MYO1E: variants seen among roughly 807,000 people sequenced by gnomAD.
The protein encoded by MYO1E is unconventional myosin-Ie.
Under a neutral mutation model 151.1 loss-of-function variants are expected in MYO1E, and 68 were observed. The ratio of observed to expected loss-of-function variants is 0.45; its 90% confidence interval spans 0.37 to 0.55. The LOEUF is 0.55. Ranked by LOEUF, MYO1E falls within the 20% of genes least tolerant of loss-of-function variation. The pLI is 0.00. For missense variants in MYO1E, 1,363 were observed against 1,389.3 expected, an observed-to-expected ratio of 0.98 and a Z score of 0.30; for synonymous variants, 601 against 501.7, an observed-to-expected ratio of 1.20 and a Z score of -2.64.
At chr15:59,178,271 TGAG>T in intron 19 of MYO1E, 119 bp downstream of exon 19, 1 of 1,279,502 alleles carries the variant, frequency 7.8e-7, no homozygotes, top group Non-Finnish European at 1.1e-6. Context: ...AAGGCTTCTT[TGAG>T]GAGACAACAT....
chr15:59,211,265 A>G (rs2079877279), intron 12 of MYO1E, among the ~76,000 whole-genome samples: 1 of 152,098 alleles, frequency 6.6e-6, no homozygotes, highest in African/African-American at 2.4e-5. Context: ...CTTAATGGGA[A>G]GGTTCTTCAG....
At chr15:59,229,440 A>C (rs778278469) in intron 6 of MYO1E, among the ~76,000 whole-genome samples, 3 of 152,252 alleles carry the variant, frequency 2.0e-5, no homozygotes, top group Admixed American at 1.3e-4. Flanking sequence ...TTGTCATATA[A>C]AAGTTAAAAT....
chr15:59,174,111 A>G lies in MYO1E; in HGVS notation c.2164+15T>C. ...CAGATTTATTAAAATCAATGAAACA[A>G]AATTGCTAAAATACCTTCTTCTCTC... On this transcript the variant is annotated intron_variant, in intron 20 of 27. Coordinates refer to ENST00000288235, the MANE Select transcript of MYO1E (RefSeq NM_004998.4). 1 of 1,602,410 alleles carries G rather than the reference A, an allele frequency of 6.2e-7. No homozygotes were observed. Among genetic ancestry groups the G allele is most frequent in the Non-Finnish European group, 8.6e-7 (1 of 1,169,424 alleles).
chr15:59,139,946 C>G (rs1002802720), intron 26 of MYO1E, among the ~76,000 whole-genome samples: 3 of 152,118 alleles, frequency 2.0e-5, no homozygotes, highest in Admixed American at 6.6e-5. Flanking sequence ...TTCATTATTA[C>G]CCCTCAGAGC....
intron 1 of MYO1E, among the ~76,000 whole-genome samples, chr15:59,349,518 T>C (rs1226898662): frequency 2.6e-5 from 4 of 151,760 alleles, no homozygotes; most frequent in African/African-American, 9.7e-5. Flanking sequence ...CCCAGCGAGT[T>C]AGGGAGGAGG....
At chr15:59,289,024 G>C (rs1218338442) in intron 1 of MYO1E, among the ~76,000 whole-genome samples, 1 of 152,182 alleles carries the variant, frequency 6.6e-6, no homozygotes, top group South Asian at 2.1e-4. Flanking sequence ...AAATATTGTA[G>C]CTGGAAGGGG....
At chr15:59,210,415 G>A in intron 13 of MYO1E, 99 bp downstream of exon 13, 1 of 859,598 alleles carries the variant, frequency 1.2e-6, no homozygotes, top group South Asian at 1.4e-5. Flanking sequence ...GCAAATCAGA[G>A]TTGTCACTTT....
At chr15:59,305,941 G>A (rs2080512179) in intron 1 of MYO1E, among the ~76,000 whole-genome samples, 1 of 152,062 alleles carries the variant, frequency 6.6e-6, no homozygotes, top group Admixed American at 6.6e-5. Context: ...TGGCAGAGCA[G>A]GAAAACCAGA....
At chr15:59,243,119 A>ATTTTTT in intron 4 of MYO1E, among the ~76,000 whole-genome samples, 1 of 84,776 alleles carries the variant, frequency 1.2e-5, no homozygotes. Context: ...TTTTTTTCAA[A>ATTTTTT]TATAGAGAGA....
intron 26 of MYO1E, among the ~76,000 whole-genome samples, chr15:59,146,642 C>G (rs920327511): frequency 5.3e-5 from 8 of 151,708 alleles, no homozygotes; most frequent in Non-Finnish European, 1.2e-4. Flanking sequence ...AGCAAGATTT[C>G]AGACTCACAA....
rs1003934729 is a variant in MYO1E, at chr15:59,259,381, G to T, written c.237+2039C>A. 2.6e-5 allele frequency among the ~76,000 whole-genome samples: 4 copies of T among 152,050 alleles called. No individual in the cohort carries two copies. In the South Asian group the frequency reaches 8.3e-4, roughly 32 times the overall value. On this transcript the variant is annotated intron_variant, in intron 3 of 27. Coordinates refer to ENST00000288235, the MANE Select transcript of MYO1E (RefSeq NM_004998.4). ...AGTGATTCCATGTTGGTTTGGTTTG[G>T]TCTGGTCTGTTAGGGGCTACTGCAT...
chr15:59,266,895 T>G (rs1242276472), intron 2 of MYO1E: 2 of 151,996 alleles, frequency 1.3e-5, no homozygotes, highest in Non-Finnish European at 2.9e-5. Context: ...TCTCCTGACC[T>G]TGTGATCCGC....
chr15:59,357,266 G>A (rs1233030978), intron 1 of MYO1E, among the ~76,000 whole-genome samples: 1 of 152,010 alleles, frequency 6.6e-6, no homozygotes, highest in Non-Finnish European at 1.5e-5. Context: ...GAAACAACGA[G>A]GGGAGGTGGG....
intron 1 of MYO1E, among the ~76,000 whole-genome samples, chr15:59,312,737 T>G (rs2080560202): frequency 6.6e-6 from 1 of 152,064 alleles, no homozygotes; most frequent in East Asian, 1.9e-4. Flanking sequence ...TACAAAGTCT[T>G]GGCTGGGCGC....
At position 59,231,780 on chromosome 15, in the gene MYO1E, G is replaced by A. The variant is rs2080029746; in HGVS notation, c.432C>T (p.Asp144=). Residue 144 remains aspartate, a synonymous_variant, in exon 6 of 28, where the codon GAC becomes GAT. Transcript: ENST00000288235. ...GCAGCGGGTTGGACTGCAGGATAAT[G>A]TCCTTCACGTGCTGTCCCAGCAAAT... The part of the protein sequence containing the change: ...GGGTKVQHVK[D]IILQSNPLLE... 1.2e-6 allele frequency: 2 copies of A among 1,614,164 alleles called. No homozygotes were observed. The highest frequency in any genetic ancestry group is 1.3e-5 in the African/African-American group (1 of 75,052).
intron 4 of MYO1E, among the ~76,000 whole-genome samples, chr15:59,239,864 A>T (rs1226435914): frequency 1.3e-5 from 2 of 152,212 alleles, no homozygotes; most frequent in African/African-American, 4.8e-5. Flanking sequence ...TTACAGAATG[A>T]CTTGAAACCT....
chr15:59,168,860 G>A (rs767742911), intron 22 of MYO1E, among the ~76,000 whole-genome samples: 2 of 152,124 alleles, frequency 1.3e-5, no homozygotes, highest in African/African-American at 2.4e-5. Context: ...GGGGTCAAGC[G>A]AGCCTCCTGC....
chr15:59,195,661 T>C (rs2079762126), intron 16 of MYO1E, 94 bp from the exon 17 acceptor site: 1 of 1,141,804 alleles, frequency 8.8e-7, no homozygotes, highest in South Asian at 1.2e-5. Flanking sequence ...TAGAAATACA[T>C]AGCTAGGAAT....
chr15:59,176,142 T>G (rs779619653), intron 19 of MYO1E, among the ~76,000 whole-genome samples: 23 of 152,182 alleles, frequency 1.5e-4, no homozygotes, highest in Non-Finnish European at 2.9e-4. Context: ...CACTGCAAGC[T>G]CTGCCTCCTG....
Sources: allele counts gnomAD v4.1 joint callset (sites outside exome capture counted in the v4.1 genomes callset), GRCh38; gene constraint gnomAD v4.1.1; transcripts MANE v1.5; gene names NCBI Gene and HGNC (gene_info 2026-07-23, HGNC 2026-07-21).